The following PHKB variants were observed in gnomAD, a reference collection of about 807,000 sequenced individuals.
PHKB encodes the protein phosphorylase b kinase regulatory subunit beta.
PHKB carries 122 observed loss-of-function variants against 152.1 expected under a neutral mutation model. That is an observed-to-expected ratio of 0.80 (90% confidence interval 0.69 to 0.93). The LOEUF (loss-of-function observed/expected upper bound fraction) is 0.93, where lower values mean the gene tolerates loss of function less well. Ranked by LOEUF, PHKB falls within the 40% of genes least tolerant of loss-of-function variation. The pLI, the probability that PHKB is intolerant of heterozygous loss-of-function variation, is 0.00. For synonymous variants in PHKB, 436 were observed against 464.9 expected (o/e 0.94, Z 0.80); for missense variants, 1,304 against 1,328.4 (o/e 0.98, Z 0.29).
Position 47,589,044 on chromosome 16 carries a change from G to T in PHKB, c.1010G>T (p.Gly337Val). 1 of 1,613,500 alleles carries T rather than the reference G, an allele frequency of 6.2e-7. No individual in the cohort carries two copies. The highest frequency in any genetic ancestry group is 2.2e-5 in the East Asian group (1 of 44,874). ...KYGFKRFLRD[G>V]YRTSLEDPNR... is the part of the protein sequence containing the mutation. ...GGATTTAAACGTTTCTTGAGAGATG[G>T]GTATAGAACATCATTGGAAGATCCC... Residue 337 changes from glycine to valine, a missense_variant, in exon 10 of 31, where the codon GGG becomes GTG. By Grantham distance (109) the Gly-to-Val change is moderately radical. Coordinates refer to ENST00000323584, the MANE Select transcript of PHKB (RefSeq NM_000293.3).
At chr16:47,501,833 A>G (rs1032979170) in intron 3 of PHKB, among the ~76,000 whole-genome samples, 2 of 152,246 alleles carry the variant, frequency 1.3e-5, no homozygotes, top group African/African-American at 4.8e-5. Flanking sequence ...TGCTTCTAAC[A>G]TCAGATAGAG....
At chr16:47,525,216 A>G (rs1458090694) in intron 6 of PHKB, among the ~76,000 whole-genome samples, 3 of 152,230 alleles carry the variant, frequency 2.0e-5, no homozygotes, top group African/African-American at 4.8e-5. Flanking sequence ...AACTATTTTA[A>G]TATTTTGAGC....
chr16:47,649,289 G>C, intron 18 of PHKB, 85 bp downstream of exon 18: 1 of 814,666 alleles, frequency 1.2e-6, no homozygotes, highest in Non-Finnish European at 2.2e-6. Context: ...GTACTCCCAG[G>C]TATCTGTGAC....
intron 6 of PHKB, among the ~76,000 whole-genome samples, chr16:47,531,345 T>G (rs1325193308): frequency 6.6e-6 from 1 of 152,182 alleles, no homozygotes; most frequent in Non-Finnish European, 1.5e-5. Flanking sequence ...GCAAGGGTGT[T>G]CAAACTTTTT....
chr16:47,697,381 G>A (rs919770990), intron 29 of PHKB, among the ~76,000 whole-genome samples: 2 of 152,184 alleles, frequency 1.3e-5, no homozygotes, highest in South Asian at 2.1e-4. Flanking sequence ...AGACTGGGTC[G>A]TGAAAAGACG....
Position 47,660,544 on chromosome 16 carries a change from C to T in PHKB, c.2010C>T (p.Phe670=). 2 of 1,613,792 alleles carry T rather than the reference C, an allele frequency of 1.2e-6. No individual in the cohort carries two copies. Among genetic ancestry groups the T allele is most frequent in the Non-Finnish European group, 1.7e-6 (2 of 1,179,740 alleles). ...ISGAVVEQLD[F]LRISDTEELP... ...GAGCTGTGGTAGAACAACTTGATTT[C>T]CTACGAATCAGTGACACAGAAGAGT... is the stretch of plus-strand genomic sequence containing the variant. Residue 670 remains phenylalanine, a synonymous_variant, in exon 21 of 31, where the codon TTC becomes TTT. Transcript: ENST00000323584.
At chr16:47,532,854 G>A (rs777543636) in intron 6 of PHKB, among the ~76,000 whole-genome samples, 74 of 152,354 alleles carry the variant, frequency 4.9e-4, no homozygotes, top group Non-Finnish European at 6.3e-4. Flanking sequence ...CCATTTTATG[G>A]GTCCCATGTT....
chr16:47,534,842 G>T lies in PHKB; in HGVS notation c.595-12591G>T, dbSNP rs144795046. On this transcript the variant is annotated intron_variant, in intron 6 of 30. Transcript: ENST00000323584. Reference sequence around the variant, plus strand: ...TTCTTGCCAAAAATGCATTACTTTTGTCCATTCATGGGAAAGTATTAGACA... The same window carrying T: ...TTCTTGCCAAAAATGCATTACTTTTTTCCATTCATGGGAAAGTATTAGACA... Among the ~76,000 whole-genome samples, 511 of 152,246 alleles carry T rather than the reference G, an allele frequency of 3.4e-3. 1 individual carries two copies. Among genetic ancestry groups the T allele is most frequent in the Non-Finnish European group, 5.9e-3 (400 of 68,020 alleles).
At chr16:47,692,278 G>A (rs73536913) in intron 27 of PHKB, among the ~76,000 whole-genome samples, 15,521 of 152,108 alleles carry the variant, frequency 0.1, 1,601 homozygotes, top group African/African-American at 0.27. Flanking sequence ...TTGTAATTGA[G>A]TATACATTTC....
At chr16:47,590,069 C>T (rs569350036) in intron 10 of PHKB, among the ~76,000 whole-genome samples, 4 of 152,204 alleles carry the variant, frequency 2.6e-5, no homozygotes, top group South Asian at 2.1e-4. Flanking sequence ...GGATTACAAG[C>T]GTGAGCCACT....
chr16:47,606,315 G>A (rs979083030), intron 13 of PHKB, among the ~76,000 whole-genome samples: 1 of 152,006 alleles, frequency 6.6e-6, no homozygotes, highest in Non-Finnish European at 1.5e-5. Flanking sequence ...TATAACCATT[G>A]GTTCCTTGCT....
At chr16:47,602,830 A>G (rs1267622879) in intron 13 of PHKB, among the ~76,000 whole-genome samples, 20 of 152,056 alleles carry the variant, frequency 1.3e-4, no homozygotes, top group Admixed American at 1.2e-3. Flanking sequence ...CCATTCATCT[A>G]CTTGTTGATC....
At chr16:47,629,799 A>T (rs1488756768) in intron 14 of PHKB, among the ~76,000 whole-genome samples, 4 of 152,230 alleles carry the variant, frequency 2.6e-5, no homozygotes, top group African/African-American at 9.6e-5. Context: ...GACAGACTGG[A>T]TTAAGAAAAT....
intron 26 of PHKB, among the ~76,000 whole-genome samples, chr16:47,681,627 A>G (rs555961771): frequency 6.6e-5 from 10 of 152,032 alleles, no homozygotes; most frequent in East Asian, 3.9e-4. Flanking sequence ...TGCTTGGTAG[A>G]TCTTCCTCCA....
At chr16:47,658,240 T>C (rs1973373482) in intron 20 of PHKB, among the ~76,000 whole-genome samples, 1 of 152,082 alleles carries the variant, frequency 6.6e-6, no homozygotes, top group Admixed American at 6.5e-5. Flanking sequence ...CACTTGCCAC[T>C]CCCAGCCCTG....
intron 3 of PHKB, 113 bp downstream of exon 3, chr16:47,500,007 C>T: frequency 8.5e-7 from 1 of 1,172,512 alleles, no homozygotes. Flanking sequence ...ACTGTGCGAC[C>T]TATGACTGCT....
intron 6 of PHKB, among the ~76,000 whole-genome samples, chr16:47,547,157 G>T (rs1161885578): frequency 6.6e-6 from 1 of 152,160 alleles, no homozygotes; most frequent in African/African-American, 2.4e-5. Flanking sequence ...TATCTCAGTT[G>T]GAAATGCAGA....
intron 3 of PHKB, among the ~76,000 whole-genome samples, chr16:47,500,124 GC>G (rs1970300551): frequency 2.0e-5 from 3 of 151,720 alleles, no homozygotes; most frequent in African/African-American, 7.3e-5. Context: ...TGCAACCTCT[GC>G]CCCCTGGGTT....
chr16:47,660,503 C>T lies in PHKB; in HGVS notation c.1972-3C>T, dbSNP rs1292881850. The stretch of plus-strand genomic sequence containing the variant: ...TTTCTAATCTTTTTCGATCACGTTT[C>T]AGACACTAATATCTGGAGCTGTGGT... On this transcript the variant is annotated splice_region_variant and splice_polypyrimidine_tract_variant and intron_variant, in intron 20 of 30. Coordinates refer to ENST00000323584, the MANE Select transcript of PHKB (RefSeq NM_000293.3). The T allele has an allele frequency of 2.5e-6, 4 of 1,611,850 alleles. No individual in the cohort carries two copies. The highest frequency in any genetic ancestry group is 3.4e-6 in the Non-Finnish European group (4 of 1,178,112).
Sources: allele counts gnomAD v4.1 joint callset (sites outside exome capture counted in the v4.1 genomes callset), GRCh38; gene constraint gnomAD v4.1.1; transcripts MANE v1.5; gene names NCBI Gene and HGNC (gene_info 2026-07-23, HGNC 2026-07-21).